The following FERMT3 variants were observed in gnomAD, a reference collection of about 807,000 sequenced individuals.
FERMT3 encodes fermitin family homolog 3.
In FERMT3, 33 loss-of-function variants were observed where a neutral mutation model predicts 80.8. That is an observed-to-expected ratio of 0.41 (90% CI 0.31 to 0.55). The LOEUF (loss-of-function observed/expected upper bound fraction) is 0.55, where lower values mean the gene tolerates loss of function less well. Ranked by LOEUF, FERMT3 falls within the 20% of genes least tolerant of loss-of-function variation. The pLI is 0.31. For missense variants in FERMT3, 754 were observed against 908.7 expected (o/e 0.83, Z 2.19); for synonymous variants, 375 against 372.2 (o/e 1.01, Z -0.09).
At chr11:64,209,058 G>A (rs1946380501) in intron 2 of FERMT3, among the ~76,000 whole-genome samples, 1 of 152,160 alleles carries the variant, frequency 6.6e-6, no homozygotes, top group African/African-American at 2.4e-5. Flanking sequence ...GGTGGGATTG[G>A]CATTGATTAC....
At chr11:64,218,000 C>CTTT (rs34718711) in intron 6 of FERMT3, among the ~76,000 whole-genome samples, 213 of 119,492 alleles carry the variant, frequency 1.8e-3, no homozygotes, top group Non-Finnish European at 2.2e-3. Context: ...TTCCTTTTTC[C>CTTT]TTTTTTTTTT....
At chr11:64,222,010 G>A (rs866280296) in intron 13 of FERMT3, among the ~76,000 whole-genome samples, 12 of 151,798 alleles carry the variant, frequency 7.9e-5, no homozygotes, top group African/African-American at 2.2e-4. Flanking sequence ...AGACCGAGGC[G>A]GGCAGATTAT....
chr11:64,215,895 G>A (rs185894510), intron 6 of FERMT3, among the ~76,000 whole-genome samples: 69 of 151,406 alleles, frequency 4.6e-4, no homozygotes, highest in African/African-American at 1.3e-3. Context: ...GCAGTGGTAC[G>A]ATCTCGGCTT....
intron 6 of FERMT3, among the ~76,000 whole-genome samples, chr11:64,212,744 C>G (rs910646613): frequency 6.6e-6 from 1 of 152,008 alleles, no homozygotes; most frequent in Non-Finnish European, 1.5e-5. Flanking sequence ...CCAGGCTCTG[C>G]CCCAGGCTCT....
At position 64,210,636 on chromosome 11, in the gene FERMT3, T is replaced by G. The variant is rs762375804; in HGVS notation, c.186T>G (p.His62Gln). The G allele has an allele frequency of 6.2e-7, 1 of 1,614,038 alleles. No individual in the cohort carries two copies. The highest frequency in any genetic ancestry group is 8.5e-7 in the Non-Finnish European group (1 of 1,179,982). ...QINRKQDWSD[H>Q]AIWWEQKRQW... ...ATCGCAAGCAGGACTGGTCAGACCA[T>G]GCTATTTGGTGGGAACAGAAGAGGC... Residue 62 changes from histidine (H) to glutamine (Q), a missense_variant, in exon 3 of 15, where the codon CAT becomes CAG. Physicochemically the swap from His to Gln is conservative, Grantham distance 24. Coordinates refer to ENST00000345728, the MANE Select transcript of FERMT3 (RefSeq NM_031471.6). This position sits in a 1 kb window ranked among gnomAD's most constrained non-coding sequence, Gnocchi z 4.3.
In FERMT3 at chr11:64,219,219, C is replaced by T. The variant is rs1195955811; in HGVS notation, c.787-32C>T. The T allele has an allele frequency of 6.4e-7, 1 of 1,551,736 alleles. No individual in the cohort carries two copies. Among genetic ancestry groups the T allele is most frequent in the South Asian group, 1.2e-5 (1 of 84,576 alleles). On this transcript the variant is annotated intron_variant, in intron 6 of 14. Coordinates refer to ENST00000345728, the MANE Select transcript of FERMT3 (RefSeq NM_031471.6). The surrounding 1 kb of genome is among the most constrained non-coding windows in gnomAD (Gnocchi z 4.0). ...CCAGGGCAGCTGGCATCTGACCAGC[C>T]CAGCCTCCAGCCTCCTCTCCCCCCG...
chr11:64,211,047 C>G lies in FERMT3; in HGVS notation c.395-5C>G, dbSNP rs1187127528. 6.2e-7 allele frequency: 1 copy of G among 1,602,060 alleles called. No individual in the cohort carries two copies. The highest frequency in any genetic ancestry group is 2.3e-5 in the East Asian group (1 of 43,908). On this transcript the variant is annotated splice_region_variant and splice_polypyrimidine_tract_variant and intron_variant, in intron 3 of 14. Coordinates refer to ENST00000345728, the MANE Select transcript of FERMT3 (RefSeq NM_031471.6). This position sits in a 1 kb window ranked among gnomAD's most constrained non-coding sequence, Gnocchi z 4.7. ...AGTCCCCGCTGAGACCCTAGCTCCCCTCAGGCATCCGGCACCCCGAGGAGC... is the reference window on the plus strand; with the variant it reads ...AGTCCCCGCTGAGACCCTAGCTCCCGTCAGGCATCCGGCACCCCGAGGAGC...
At chr11:64,207,603 C>T in intron 2 of FERMT3, 79 bp downstream of exon 2, 1 of 1,509,694 alleles carries the variant, frequency 6.6e-7, no homozygotes, top group Non-Finnish European at 9.0e-7. Flanking sequence ...TCCGGGCCAT[C>T]CCTGCTGCTC....
chr11:64,210,217 T>G lies in FERMT3; in HGVS notation c.161-394T>G, dbSNP rs1946405150. Among the ~76,000 whole-genome samples, 1 of 152,124 alleles carries G rather than the reference T, an allele frequency of 6.6e-6. No homozygotes were observed. Among genetic ancestry groups the G allele is most frequent in the Non-Finnish European group, 1.5e-5 (1 of 67,988 alleles). On this transcript the variant is annotated intron_variant, in intron 2 of 14. Coordinates refer to ENST00000345728, the MANE Select transcript of FERMT3 (RefSeq NM_031471.6). The surrounding 1 kb of genome is among the most constrained non-coding windows in gnomAD (Gnocchi z 4.3). ...AGGACATACAACGGTGAGACAGACG[T>G]AGTCTCTGCCTCCAGGAGCTCCCCA...
intron 6 of FERMT3, among the ~76,000 whole-genome samples, chr11:64,213,555 A>ATT (rs34872967): frequency 0.27 from 32,682 of 120,610 alleles, 5,033 homozygotes; most frequent in Admixed American, 0.36. Flanking sequence ...GCCTGGCCTA[A>ATT]TTTTTTTTTT....
At chr11:64,216,078 C>T (rs188214524) in intron 6 of FERMT3, among the ~76,000 whole-genome samples, 7 of 152,034 alleles carry the variant, frequency 4.6e-5, no homozygotes, top group Non-Finnish European at 7.4e-5. Flanking sequence ...ATGATCCGCC[C>T]GCCTCGGCCT....
intron 12 of FERMT3, 31 bp downstream of exon 12, chr11:64,220,700 ATAG>A (rs1565296875): frequency 6.3e-7 from 1 of 1,577,040 alleles, no homozygotes; most frequent in Admixed American, 1.8e-5. Flanking sequence ...GGGAATGAGC[ATAG>A]TGTTTACCCA....
chr11:64,218,670 G>GA (rs1946605677), intron 6 of FERMT3, among the ~76,000 whole-genome samples: 1 of 152,330 alleles, frequency 6.6e-6, no homozygotes, highest in East Asian at 1.9e-4. Context: ...GTTTCAGCGG[G>GA]ATTGTTGGTC....
rs1024674833 is a variant in FERMT3 at position 64,223,110 on chromosome 11, A to C, written c.1733A>C (p.Asp578Ala). 2.7e-5 allele frequency: 43 copies of C among 1,613,832 alleles called. No homozygotes were observed. The highest frequency in any genetic ancestry group is 3.5e-5 in the Non-Finnish European group (41 of 1,180,048). ...GCCAACAACCGACTGATCCGCATCG[A>C]CTTGGCCGTGGGCGACGTGGTCAAG... ...GIANNRLIRI[D>A]LAVGDVVKTW... The change falls in exon 14 of 15, where the codon GAC becomes GCC. Residue 578 changes from aspartate to alanine, a missense_variant. By Grantham distance (126) the Asp-to-Ala change is moderately radical (BLOSUM62 -2). Transcript: ENST00000345728.
At chr11:64,207,313 GGGCCTGCCCACC>G in intron 1 of FERMT3, 26 bp from the exon 2 acceptor site, 9 of 1,613,716 alleles carry the variant, frequency 5.6e-6, no homozygotes, top group Non-Finnish European at 7.6e-6. Context: ...AGGCCTACCA[GGGCCTGCCCACC>G]TTGCCTCCTT....
Position 64,219,357 on chromosome 11 carries a change from AGGTACCAGGCGGGCCTGGG to A in FERMT3, c.894+2_894+20del. The A allele has an allele frequency of 1.3e-6, 2 of 1,595,260 alleles. No individual in the cohort carries two copies. Among genetic ancestry groups the A allele is most frequent in the Non-Finnish European group, 1.7e-6 (2 of 1,171,506 alleles). On this transcript the variant is annotated splice_donor_variant and splice_donor_5th_base_variant and coding_sequence_variant and intron_variant, in exon 7 of 15. Coordinates refer to ENST00000345728, the MANE Select transcript of FERMT3 (RefSeq NM_031471.6). LOFTEE classifies it high-confidence loss of function. The surrounding 1 kb of genome is among the most constrained non-coding windows in gnomAD (Gnocchi z 4.0). ...GAGATGATGGTGTTTGCCGCCCTGC[AGGTACCAGGCGGGCCTGGG>A]GGCACCAGGGCAGGTGGGAGGTGAG...
At chr11:64,212,173 A>T (rs183875791) in intron 6 of FERMT3, among the ~76,000 whole-genome samples, 157 of 152,228 alleles carry the variant, frequency 1.0e-3, no homozygotes, top group Non-Finnish European at 1.6e-3. Flanking sequence ...GTGGGTGAGG[A>T]AGGAAGCTTT....
In FERMT3 at chr11:64,220,265, G is replaced by C. The variant is rs761004758; in HGVS notation, c.1250G>C (p.Cys417Ser). Residue 417 changes from cysteine to serine, a missense_variant, in exon 11 of 15, where the codon TGC becomes TCC. Coordinates refer to ENST00000345728, the MANE Select transcript of FERMT3 (RefSeq NM_031471.6). ...GTTAACGTCTCCGGCCAGAAGTTCT[G>C]CATTAAACTCCTAGTGCCCTCCCCT... is the stretch of plus-strand genomic sequence containing the variant. ...PDVNVSGQKF[C>S]IKLLVPSPEG... is the part of the protein sequence containing the mutation. 2 of 1,613,954 alleles carry C rather than the reference G, an allele frequency of 1.2e-6. No homozygotes were observed. Among genetic ancestry groups the C allele is most frequent in the South Asian group, 2.2e-5 (2 of 91,082 alleles).
Position 64,210,493 on chromosome 11 carries a change from C to T in FERMT3, c.161-118C>T, listed in dbSNP as rs1946411904. On this transcript the variant is annotated intron_variant, in intron 2 of 14. Coordinates refer to ENST00000345728, the MANE Select transcript of FERMT3 (RefSeq NM_031471.6). This position sits in a 1 kb window ranked among gnomAD's most constrained non-coding sequence, Gnocchi z 4.3. ...CCAGGCCCGCCCAGGCTGCCCCACTCTTGGCTTAGGCAGGGCAGGGGAGTG... is the reference window on the plus strand; with the variant it reads ...CCAGGCCCGCCCAGGCTGCCCCACTTTTGGCTTAGGCAGGGCAGGGGAGTG... The T allele has an allele frequency of 2.3e-5, 24 of 1,059,418 alleles. No homozygotes were observed. The highest frequency in any genetic ancestry group is 3.1e-5 in the Non-Finnish European group (22 of 700,508). The allele number at this position is 1,059,418 out of a possible 1,614,324, so 65.6% of individuals were successfully genotyped here.
Sources: allele counts gnomAD v4.1 joint callset (sites outside exome capture counted in the v4.1 genomes callset), GRCh38; gene constraint gnomAD v4.1.1; non-coding constraint Gnocchi (gnomAD v3.1); transcripts MANE v1.5; gene names NCBI Gene and HGNC (gene_info 2026-07-23, HGNC 2026-07-21).